DAAM1: variants seen among roughly 807,000 people sequenced by gnomAD.
DAAM1 encodes the protein dishevelled associated activator of morphogenesis 1.
DAAM1 carries 52 observed loss-of-function variants against 130.0 expected under a neutral mutation model. The observed-to-expected ratio is 0.40, with a 90% CI of 0.32 to 0.50. The LOEUF (loss-of-function observed/expected upper bound fraction) is 0.50, where lower values mean the gene tolerates loss of function less well. Among genes scored for constraint, DAAM1 ranks in the 20% least tolerant of loss-of-function variants. DAAM1 has a pLI of 0.61. For missense variants in DAAM1, 1,134 were observed against 1,303.8 expected (o/e 0.87, Z 2.01); for synonymous variants, 452 against 444.5 (o/e 1.02, Z -0.21).
intron 15 of DAAM1, among the ~76,000 whole-genome samples, chr14:59,338,786 A>G (rs1412987870): frequency 6.6e-6 from 1 of 152,166 alleles, no homozygotes; most frequent in African/African-American, 2.4e-5. Flanking sequence ...AGTGGGAAAT[A>G]TATGAAAAAG....
intron 1 of DAAM1, among the ~76,000 whole-genome samples, chr14:59,236,418 A>G (rs967687355): frequency 1.3e-5 from 2 of 152,092 alleles, no homozygotes; most frequent in Non-Finnish European, 2.9e-5. Context: ...CTTCAAGTAC[A>G]TTCGCCGCCT....
chr14:59,207,935 T>C (rs1888312833), intron 1 of DAAM1, among the ~76,000 whole-genome samples: 1 of 152,200 alleles, frequency 6.6e-6, no homozygotes, highest in South Asian at 2.1e-4. Context: ...TCTGAAACTA[T>C]TAAGTCAGAA....
rs76451950 is a variant in DAAM1 at position 59,273,972 on chromosome 14, C to T, written c.183+10312C>T. Among the ~76,000 whole-genome samples, 1,252 of 152,208 alleles carry T rather than the reference C, an allele frequency of 8.2e-3. 10 individuals carry two copies. Among genetic ancestry groups the T allele is most frequent in the Non-Finnish European group, 0.011 (729 of 68,016 alleles). On this transcript the variant is annotated intron_variant, in intron 2 of 24. Transcript: ENST00000360909. ...TGAACAGTCCTTGAATATTTTTACT[C>T]GCTGTGTCTGGAATCTTCCCCACTC...
At chr14:59,223,558 A>G (rs117177471) in intron 1 of DAAM1, among the ~76,000 whole-genome samples, 1 of 152,248 alleles carries the variant, frequency 6.6e-6, no homozygotes, top group Non-Finnish European at 1.5e-5. Context: ...CTGCTGGATC[A>G]TATGGCCCCA....
At chr14:59,244,787 T>G (rs1418347110) in intron 1 of DAAM1, among the ~76,000 whole-genome samples, 4 of 152,156 alleles carry the variant, frequency 2.6e-5, no homozygotes, top group Non-Finnish European at 5.9e-5. Flanking sequence ...GCTTTTCCAG[T>G]ATGAGCAAGT....
At chr14:59,315,461 C>T in intron 4 of DAAM1, 110 bp downstream of exon 4, 1 of 980,098 alleles carries the variant, frequency 1.0e-6, no homozygotes, top group South Asian at 1.5e-5. Context: ...ATGTCAGTAC[C>T]TTTCCAAACT....
At chr14:59,280,063 T>C (rs1191886733) in intron 2 of DAAM1, among the ~76,000 whole-genome samples, 5 of 152,242 alleles carry the variant, frequency 3.3e-5, no homozygotes, top group Admixed American at 6.5e-5. Flanking sequence ...CTAGAAGAGC[T>C]AAAATTTAAA....
chr14:59,310,145 C>T (rs1048861050), intron 3 of DAAM1, among the ~76,000 whole-genome samples: 42 of 144,738 alleles, frequency 2.9e-4, no homozygotes, highest in African/African-American at 1.0e-3. Context: ...GGGTCTTGCT[C>T]TGTGGCCCAG....
intron 23 of DAAM1, among the ~76,000 whole-genome samples, chr14:59,367,125 T>TAAAA (rs371058338): frequency 6.5e-4 from 99 of 151,920 alleles, no homozygotes; most frequent in African/African-American, 2.2e-3. Context: ...CTGACTCTAC[T>TAAAA]AAAAATACAA....
intron 3 of DAAM1, among the ~76,000 whole-genome samples, chr14:59,303,589 T>G (rs1243618799): frequency 6.6e-6 from 1 of 152,030 alleles, no homozygotes; most frequent in Non-Finnish European, 1.5e-5. Flanking sequence ...CATTCAGAGG[T>G]TATGAATGAT....
At chr14:59,226,769 C>A (rs558601067) in intron 1 of DAAM1, among the ~76,000 whole-genome samples, 2 of 152,284 alleles carry the variant, frequency 1.3e-5, no homozygotes, top group African/African-American at 4.8e-5. Flanking sequence ...GAAGGATCAT[C>A]ACTAGATTGG....
intron 24 of DAAM1, among the ~76,000 whole-genome samples, 195 bp from the exon 25 acceptor site, chr14:59,368,455 T>A (rs924040002): frequency 6.6e-6 from 1 of 152,092 alleles, no homozygotes; most frequent in Admixed American, 6.6e-5. Flanking sequence ...GAGTGGTTGT[T>A]TTTTGTTGTC....
chr14:59,328,588 G>T (rs1433436710), intron 12 of DAAM1, among the ~76,000 whole-genome samples: 1 of 152,186 alleles, frequency 6.6e-6, no homozygotes. Flanking sequence ...TGTGTGGATG[G>T]GCTAAGTGAT....
At position 59,325,734 on chromosome 14, in the gene DAAM1, C is replaced by T. The variant is rs1369944554; in HGVS notation, c.1056+4C>T. The T allele has an allele frequency of 1.1e-5, 17 of 1,613,410 alleles. No individual in the cohort carries two copies. The highest frequency in any genetic ancestry group is 5.5e-5 in the South Asian group (5 of 91,078). On this transcript the variant is annotated splice_donor_region_variant and intron_variant, in intron 9 of 24. Coordinates refer to ENST00000360909, the MANE Select transcript of DAAM1 (RefSeq NM_001270520.2). ...ATTTGCCAAAAGATTTGAACTGGTA[C>T]GTATGCTTACAATTATTCTGGTTTG... is the stretch of plus-strand genomic sequence containing the variant.
intron 18 of DAAM1, 39 bp from the exon 19 acceptor site, chr14:59,353,837 A>G: frequency 6.3e-7 from 1 of 1,594,922 alleles, no homozygotes. Context: ...ACCTAGATAT[A>G]TTAAATGAAT....
intron 1 of DAAM1, among the ~76,000 whole-genome samples, chr14:59,225,032 T>C (rs185579016): frequency 7.1e-6 from 1 of 140,668 alleles, no homozygotes; most frequent in East Asian, 2.0e-4. Context: ...TTTTTTTTTT[T>C]TTTTTTTTTT....
intron 3 of DAAM1, among the ~76,000 whole-genome samples, chr14:59,297,421 A>G (rs1221940848): frequency 1.3e-5 from 2 of 152,232 alleles, no homozygotes; most frequent in Non-Finnish European, 2.9e-5. Flanking sequence ...TCTAAAAGCC[A>G]ATGACTGTAA....
At chr14:59,208,090 C>A (rs1190823435) in intron 1 of DAAM1, among the ~76,000 whole-genome samples, 1 of 152,172 alleles carries the variant, frequency 6.6e-6, no homozygotes, top group Admixed American at 6.5e-5. Flanking sequence ...ATTCTGCCCC[C>A]AATTAAATGT....
intron 4 of DAAM1, among the ~76,000 whole-genome samples, chr14:59,319,729 A>T (rs1884933335): frequency 6.6e-6 from 1 of 152,160 alleles, no homozygotes; most frequent in Admixed American, 6.5e-5. Flanking sequence ...ATTTTATAAT[A>T]ACAACTGCAA....
Sources: gnomAD v4.1 joint callset for allele counts (sites outside exome capture counted in the v4.1 genomes callset) on GRCh38, gnomAD v4.1.1 for gene constraint, MANE v1.5 for transcripts, NCBI Gene and HGNC (gene_info 2026-07-23, HGNC 2026-07-21) for gene names.